The following ANO1 variants were observed in gnomAD, a reference collection of about 807,000 sequenced individuals.
ANO1 encodes anoctamin-1.
In ANO1, 59 loss-of-function variants were observed where a neutral mutation model predicts 124.0. The ratio of observed to expected loss-of-function variants is 0.48; its 90% CI spans 0.39 to 0.59. The LOEUF is 0.59. Ranked by LOEUF, ANO1 falls within the 20% of genes least tolerant of loss-of-function variation. The pLI, the probability that ANO1 is intolerant of heterozygous loss-of-function variation, is 0.00. For synonymous variants in ANO1, 529 were observed against 532.0 expected (o/e 0.99, Z 0.08); for missense variants, 1,059 against 1,328.0 (o/e 0.80, Z 3.15).
rs189386669 is a variant in ANO1, at chr11:70,116,425, G to A, written c.856-33G>A. 1.1e-5 allele frequency: 18 copies of A among 1,580,624 alleles called. No individual in the cohort carries two copies. In the East Asian group the frequency reaches 3.7e-4, roughly 32 times the overall value. On this transcript the variant is annotated intron_variant, in intron 7 of 25. Coordinates refer to ENST00000355303, the MANE Select transcript of ANO1 (RefSeq NM_018043.7). ...GAGCGCCTCCAAAGCTCCATTGGAT[G>A]ATAAGAACGTCCCTTTCCTCTTTTT...
At chr11:70,050,389 C>G (rs1433178026) in intron 1 of ANO1, among the ~76,000 whole-genome samples, 1 of 152,190 alleles carries the variant, frequency 6.6e-6, no homozygotes, top group Non-Finnish European at 1.5e-5. Context: ...TTACTTAGTA[C>G]CTGGTCACAC....
intron 1 of ANO1, among the ~76,000 whole-genome samples, chr11:70,032,706 C>T (rs72939631): frequency 4.6e-5 from 7 of 152,086 alleles, no homozygotes; most frequent in Admixed American, 2.6e-4. Flanking sequence ...AGGGTCCTTG[C>T]GCTGATTTAA....
At chr11:70,151,488 C>T (rs1247872306) in intron 12 of ANO1, among the ~76,000 whole-genome samples, 2 of 152,168 alleles carry the variant, frequency 1.3e-5, no homozygotes, top group South Asian at 4.1e-4. Context: ...CCATCTTGTT[C>T]AGAAGTCAAT....
chr11:70,143,345 G>A (rs2047226746), intron 11 of ANO1, among the ~76,000 whole-genome samples: 1 of 152,174 alleles, frequency 6.6e-6, no homozygotes, highest in South Asian at 2.1e-4. Flanking sequence ...GCTCAGAAAG[G>A]GAGTCCGCCA....
intron 2 of ANO1, among the ~76,000 whole-genome samples, chr11:70,088,652 C>G (rs146168516): frequency 3.4e-4 from 52 of 152,332 alleles, no homozygotes; most frequent in African/African-American, 1.1e-3. Flanking sequence ...GGGAGAGGGT[C>G]TGGCCTTCAC....
At chr11:70,182,208 C>G (rs1257352659) in intron 23 of ANO1, among the ~76,000 whole-genome samples, 1 of 152,204 alleles carries the variant, frequency 6.6e-6, no homozygotes, top group Non-Finnish European at 1.5e-5. Context: ...GGTGATTTGC[C>G]CAAGGCCACA....
chr11:70,059,241 C>T (rs1857513002), intron 1 of ANO1, among the ~76,000 whole-genome samples: 2 of 149,934 alleles, frequency 1.3e-5, no homozygotes, highest in African/African-American at 4.9e-5. Context: ...GTCCCAGCTA[C>T]TCAGGAGGCT....
intron 1 of ANO1, among the ~76,000 whole-genome samples, chr11:70,055,599 G>A (rs1857421020): frequency 6.6e-6 from 1 of 151,840 alleles, no homozygotes; most frequent in Admixed American, 6.6e-5. Flanking sequence ...GTATATAGTT[G>A]AAGTTTTAAA....
chr11:69,980,789 C>T, the ANO1 span, among the ~76,000 whole-genome samples: 8 of 152,078 alleles, frequency 5.3e-5, no homozygotes, highest in Non-Finnish European at 8.8e-5. Flanking sequence ...CACGGTGGCT[C>T]ACGCCTGTAA....
intron 8 of ANO1, among the ~76,000 whole-genome samples, chr11:70,118,320 T>C (rs1327268342): frequency 6.6e-6 from 1 of 152,066 alleles, no homozygotes; most frequent in Non-Finnish European, 1.5e-5. Context: ...ATTTGAGAAA[T>C]ACCTACTGGG....
the ANO1 span, among the ~76,000 whole-genome samples, chr11:69,973,298 T>C: frequency 6.6e-6 from 1 of 152,108 alleles, no homozygotes; most frequent in Admixed American, 6.6e-5. Flanking sequence ...ATTCTCTTTC[T>C]CCCCCATAAA....
intron 1 of ANO1, among the ~76,000 whole-genome samples, chr11:70,060,331 T>G (rs897501271): frequency 1.8e-4 from 28 of 152,176 alleles, no homozygotes; most frequent in Non-Finnish European, 2.5e-4. Flanking sequence ...CGACAGCATA[T>G]CCAGCTTTAG....
chr11:70,042,143 G>A (rs1857193086), intron 1 of ANO1, among the ~76,000 whole-genome samples: 1 of 152,130 alleles, frequency 6.6e-6, no homozygotes, highest in Non-Finnish European at 1.5e-5. Context: ...TGACCATAAT[G>A]TAGTAACAGG....
chr11:70,040,400 G>A (rs868921942), intron 1 of ANO1, among the ~76,000 whole-genome samples: 8 of 152,126 alleles, frequency 5.3e-5, no homozygotes, highest in African/African-American at 1.7e-4. Flanking sequence ...TCTAGGGCAA[G>A]GTATGTTAAA....
chr11:70,087,691 C>A, intron 1 of ANO1, 61 bp from the exon 2 acceptor site: 1 of 1,437,284 alleles, frequency 7.0e-7, no homozygotes, highest in Non-Finnish European at 9.3e-7. Context: ...AGCAGCGCAC[C>A]CTCCAAAGGC....
chr11:70,043,322 A>G (rs1350913143), intron 1 of ANO1, among the ~76,000 whole-genome samples: 4 of 152,214 alleles, frequency 2.6e-5, no homozygotes, highest in Non-Finnish European at 5.9e-5. Flanking sequence ...AAAAATACAC[A>G]GAACACCATA....
chr11:70,000,317 G>A (rs1554999032), intron 1 of ANO1, among the ~76,000 whole-genome samples: 1 of 52,870 alleles, frequency 1.9e-5, no homozygotes, highest in Non-Finnish European at 5.0e-5. Context: ...AGATAGAGAT[G>A]GGCCGGGGGG....
chr11:70,058,269 T>A (rs1325413522), intron 1 of ANO1, among the ~76,000 whole-genome samples: 1 of 152,242 alleles, frequency 6.6e-6, no homozygotes, highest in East Asian at 1.9e-4. Flanking sequence ...AATTATTTAC[T>A]TGGATGGCAA....
chr11:69,982,191 A>G (rs891373661), upstream of ANO1, among the ~76,000 whole-genome samples: 6 of 152,184 alleles, frequency 3.9e-5, no homozygotes, highest in Non-Finnish European at 7.4e-5. Flanking sequence ...ATGTCACCCC[A>G]GTGAATTGTT....
Sources: gnomAD v4.1 joint callset for allele counts (sites outside exome capture counted in the v4.1 genomes callset) on GRCh38, gnomAD v4.1.1 for gene constraint, MANE v1.5 for transcripts, NCBI Gene and HGNC (gene_info 2026-07-23, HGNC 2026-07-21) for gene names.